Variants in KAZN observed in about 807,000 individuals in gnomAD.
KAZN encodes kazrin.
In KAZN, 40 loss-of-function variants were observed where a neutral mutation model predicts 87.4. That is an observed-to-expected ratio of 0.46 (90% CI 0.36 to 0.60). The LOEUF (loss-of-function observed/expected upper bound fraction) is 0.60, where lower values mean the gene tolerates loss of function less well. Ranked by LOEUF, KAZN falls within the 20% of genes least tolerant of loss-of-function variation. The pLI, the probability that KAZN is intolerant of heterozygous loss-of-function variation, is 0.00. For missense variants in KAZN, 898 were observed against 1,073.9 expected, an observed-to-expected ratio of 0.84 and a Z score of 2.29; for synonymous variants, 466 against 458.3, an observed-to-expected ratio of 1.02 and a Z score of -0.22.
chr1:14,196,694 G>A (rs1488592852), intron 2 of KAZN, among the ~76,000 whole-genome samples: 1 of 152,114 alleles, frequency 6.6e-6, no homozygotes, highest in Non-Finnish European at 1.5e-5. Flanking sequence ...GCTATTCAGT[G>A]AGAAGCCTGG....
intron 1 of KAZN, among the ~76,000 whole-genome samples, chr1:14,772,543 A>C (rs1645049224): frequency 1.3e-5 from 2 of 148,564 alleles, no homozygotes; most frequent in Non-Finnish European, 1.5e-5. Context: ...AAAAAAAGAG[A>C]CCCCTCTTGG....
rs1285387255 is a variant in KAZN, at chr1:14,004,698, T to C, written c.91+110942T>C. ...TGTTCCTTTATGATTTGTGCACTTTTGTACATAGTGTTTGCTATGGTTTGA... is the reference window on the plus strand; with the variant it reads ...TGTTCCTTTATGATTTGTGCACTTTCGTACATAGTGTTTGCTATGGTTTGA... On this transcript the variant is annotated intron_variant, in intron 1 of 16. Coordinates refer to the KAZN transcript ENST00000636203. Among the ~76,000 whole-genome samples the C allele has an allele frequency of 2.0e-5, 3 of 149,466 alleles. No homozygotes were observed. In the East Asian group the frequency reaches 5.9e-4, roughly 29 times the overall value.
chr1:14,420,470 G>A (rs1665319585), intron 2 of KAZN, among the ~76,000 whole-genome samples: 1 of 152,188 alleles, frequency 6.6e-6, no homozygotes, highest in African/African-American at 2.4e-5. Context: ...CTGCCCGCAA[G>A]TCCCGCACCA....
intron 2 of KAZN, among the ~76,000 whole-genome samples, chr1:14,341,738 TC>T (rs1657744394): frequency 6.6e-6 from 1 of 152,184 alleles, no homozygotes; most frequent in East Asian, 1.9e-4. Flanking sequence ...ACACCTGCTC[TC>T]CCCATGTCCT....
intron 1 of KAZN, among the ~76,000 whole-genome samples, chr1:14,909,250 T>C (rs1656964900): frequency 6.6e-6 from 1 of 152,180 alleles, no homozygotes; most frequent in African/African-American, 2.4e-5. Flanking sequence ...CTGATCCCCA[T>C]TGAACAGATG....
chr1:14,482,040 G>A (rs907500246), intron 2 of KAZN, among the ~76,000 whole-genome samples: 2 of 152,186 alleles, frequency 1.3e-5, no homozygotes, highest in East Asian at 1.9e-4. Flanking sequence ...CTTCATCCAC[G>A]TGGACCAGAG....
chr1:14,103,358 T>A (rs6696251), intron 1 of KAZN, among the ~76,000 whole-genome samples: 3,070 of 152,266 alleles, frequency 0.02, 90 homozygotes, highest in South Asian at 0.065. Flanking sequence ...CTTCGATATA[T>A]AAATTGGAGT....
At chr1:14,875,471 C>T (rs1652659901) in intron 1 of KAZN, among the ~76,000 whole-genome samples, 1 of 145,510 alleles carries the variant, frequency 6.9e-6, no homozygotes, top group African/African-American at 2.5e-5. Context: ...CTTGCATTGT[C>T]CTTAATTTAT....
At chr1:14,371,389 C>T (rs574470573) in intron 2 of KAZN, among the ~76,000 whole-genome samples, 1 of 152,224 alleles carries the variant, frequency 6.6e-6, no homozygotes, top group South Asian at 2.1e-4. Flanking sequence ...CAATGGAGAC[C>T]ATGCTTTTAG....
chr1:14,666,699 C>T (rs1434213605), intron 1 of KAZN, among the ~76,000 whole-genome samples: 2 of 152,142 alleles, frequency 1.3e-5, no homozygotes, highest in East Asian at 1.9e-4. Flanking sequence ...TCCCTTTCTC[C>T]CTTTCACGGG....
chr1:15,046,297 C>A (rs865806565), intron 4 of KAZN, among the ~76,000 whole-genome samples: 139 of 134,290 alleles, frequency 1.0e-3, no homozygotes, highest in South Asian at 1.4e-3. Flanking sequence ...GACTCCGTCT[C>A]AAAAAAAAAA....
rs532482281 is a variant in KAZN at position 14,109,250 on chromosome 1, A to G, written c.92-71185A>G. On this transcript the variant is annotated intron_variant, in intron 1 of 16. Transcript: ENST00000636203. ...CCTAGTCCATTCTTTGTATGTTGCA[A>G]TAGAGGACAAAGAGTATTTGCACAG... Among the ~76,000 whole-genome samples the G allele has an allele frequency of 2.2e-4, 34 of 152,320 alleles. No individual in the cohort carries two copies. In the South Asian group the frequency reaches 5.6e-3, roughly 25 times the overall value.
intron 8 of KAZN, among the ~76,000 whole-genome samples, chr1:15,089,805 G>T (rs1469338316): frequency 6.7e-6 from 1 of 149,426 alleles, no homozygotes; most frequent in Admixed American, 6.7e-5. Flanking sequence ...TTCATTGGCT[G>T]CAGAGGCTCA....
At chr1:14,137,542 C>T (rs1256449497) in intron 1 of KAZN, among the ~76,000 whole-genome samples, 1 of 152,038 alleles carries the variant, frequency 6.6e-6, no homozygotes, top group East Asian at 1.9e-4. Context: ...TGTCCTTCGG[C>T]AAGTTGCTTA....
chr1:14,982,182 G>A (rs996677718), intron 2 of KAZN, among the ~76,000 whole-genome samples: 42 of 152,230 alleles, frequency 2.8e-4, no homozygotes, highest in Middle Eastern at 6.8e-3. Context: ...GCAGACACAC[G>A]GCTGGCAAGT....
At chr1:14,612,036 C>T (rs889811865) in intron 1 of KAZN, among the ~76,000 whole-genome samples, 2 of 152,044 alleles carry the variant, frequency 1.3e-5, no homozygotes, top group Non-Finnish European at 2.9e-5. Context: ...ATTTGCCAAC[C>T]CTTGGACATG....
chr1:14,520,858 G>A (rs1418574701), intron 2 of KAZN, among the ~76,000 whole-genome samples: 1 of 152,172 alleles, frequency 6.6e-6, no homozygotes, highest in Non-Finnish European at 1.5e-5. Flanking sequence ...CTGAACCAAA[G>A]GAGCAGAATA....
At chr1:13,975,714 C>T (rs1638320236) in intron 1 of KAZN, among the ~76,000 whole-genome samples, 3 of 152,100 alleles carry the variant, frequency 2.0e-5, no homozygotes, top group Admixed American at 1.3e-4. Context: ...CAATTGTCTC[C>T]CCTACCAGAT....
intron 2 of KAZN, among the ~76,000 whole-genome samples, chr1:14,428,000 T>A (rs1665835760): frequency 6.6e-6 from 1 of 152,142 alleles, no homozygotes; most frequent in Admixed American, 6.5e-5. Flanking sequence ...TTTGGCCAGG[T>A]TGCTTGAGCT....
Sources: gnomAD v4.1 joint callset for allele counts (sites outside exome capture counted in the v4.1 genomes callset) on GRCh38, gnomAD v4.1.1 for gene constraint, MANE v1.5 for transcripts, NCBI Gene and HGNC (gene_info 2026-07-23, HGNC 2026-07-21) for gene names.